The following SFT2D2 variants were observed in gnomAD, a reference collection of about 807,000 sequenced individuals.
SFT2D2 encodes SFT2 domain containing 2, also known as vesicle transport protein SFT2B.
Under a neutral mutation model 27.4 loss-of-function variants are expected in SFT2D2, and 21 were observed. That is an observed-to-expected ratio of 0.77 (90% CI 0.54 to 1.10). The LOEUF is 1.10. Ranked by LOEUF, SFT2D2 falls within the 50% of genes least tolerant of loss-of-function variation. SFT2D2 has a pLI of 0.00. For synonymous variants in SFT2D2, 72 were observed against 71.7 expected, an observed-to-expected ratio of 1.00 and a Z score of -0.02; for missense variants, 187 against 194.2, an observed-to-expected ratio of 0.96 and a Z score of 0.22.
At chr1:168,233,021 A>C (rs777038695) in intron 3 of SFT2D2, among the ~76,000 whole-genome samples, 5 of 152,168 alleles carry the variant, frequency 3.3e-5, no homozygotes, top group Non-Finnish European at 7.3e-5. Flanking sequence ...AGCCCTGCTT[A>C]GCCCCCTCAA....
chr1:168,239,051 A>T, intron 6 of SFT2D2, 80 bp from the exon 7 acceptor site: 1 of 1,069,538 alleles, frequency 9.3e-7, no homozygotes, highest in Non-Finnish European at 1.5e-6. Context: ...AGGTATTCTT[A>T]CAGCTCAGAA....
In SFT2D2 at chr1:168,247,810, A is replaced by G. The variant is rs1174181833; in HGVS notation, c.*5270A>G. On this transcript the variant is annotated 3_prime_UTR_variant, in exon 8 of 8. Coordinates refer to ENST00000271375, the MANE Select transcript of SFT2D2 (RefSeq NM_199344.3). The stretch of plus-strand genomic sequence containing the variant: ...CCACCAACAGTGTAAAAGTATTCCT[A>G]TTTCTCCCTGTCCTTTCCAGCATCT... The G allele has an allele frequency of 2.0e-5, 3 of 152,120 alleles. No individual in the cohort carries two copies. Among genetic ancestry groups the G allele is most frequent in the Non-Finnish European group, 4.4e-5 (3 of 68,016 alleles). 9.4% of individuals were successfully genotyped at this position (152,120 alleles called of 1,614,324 possible). A position where few individuals can be genotyped will look rare whatever the true frequency, so the allele number is the denominator to read the frequency against.
Position 168,250,639 on chromosome 1 carries a change from T to C in SFT2D2, c.*8099T>C, listed in dbSNP as rs143134957. Reference sequence around the variant, plus strand: ...ACAGAAGAGATGGCTTCCAGTCCCCTCTCCCCCTTCTCCCAGTCTCTCTGA... The same window carrying C: ...ACAGAAGAGATGGCTTCCAGTCCCCCCTCCCCCTTCTCCCAGTCTCTCTGA... On this transcript the variant is annotated 3_prime_UTR_variant, in exon 8 of 8. Transcript: ENST00000271375. The C allele has an allele frequency of 6.5e-3, 997 of 153,138 alleles. 7 individuals are homozygous for C. The highest frequency in any genetic ancestry group is 0.022 in the African/African-American group (894 of 41,570). 9.5% of individuals were successfully genotyped at this position (153,138 alleles called of 1,614,324 possible).
chr1:168,241,150 C>T (rs924988040), intron 7 of SFT2D2, among the ~76,000 whole-genome samples: 14 of 150,172 alleles, frequency 9.3e-5, no homozygotes, highest in Admixed American at 4.0e-4. Context: ...GCTGAGGAGA[C>T]GAATTACTCC....
At position 168,246,701 on chromosome 1, in the gene SFT2D2, A is replaced by G; in HGVS notation, c.*4161A>G. On this transcript the variant is annotated 3_prime_UTR_variant, in exon 8 of 8. Transcript: ENST00000271375. ...AGAGCAACATTCAGTCTACGATGGTATGATTCCATTTCGTCAGTCTTTGCC... is the reference window on the plus strand; with the variant it reads ...AGAGCAACATTCAGTCTACGATGGTGTGATTCCATTTCGTCAGTCTTTGCC... 1.9e-6 allele frequency: 2 copies of G among 1,065,020 alleles called. No individual in the cohort carries two copies. Among genetic ancestry groups the G allele is most frequent in the South Asian group, 1.2e-5 (1 of 80,878 alleles). 66.0% of individuals were successfully genotyped at this position (1,065,020 alleles called of 1,614,324 possible).
intron 3 of SFT2D2, among the ~76,000 whole-genome samples, chr1:168,233,348 T>C (rs1647380535): frequency 1.3e-5 from 2 of 152,196 alleles, no homozygotes; most frequent in Admixed American, 1.3e-4. Context: ...GACCTCTTCC[T>C]TTGGACTCTC....
At chr1:168,237,050 T>C (rs1001872271) in intron 6 of SFT2D2, among the ~76,000 whole-genome samples, 2 of 152,154 alleles carry the variant, frequency 1.3e-5, no homozygotes, top group Admixed American at 1.3e-4. Flanking sequence ...TTTTGAGATG[T>C]TACAAATATT....
At chr1:168,227,970 G>T (rs970508336) in intron 1 of SFT2D2, among the ~76,000 whole-genome samples, 1 of 152,174 alleles carries the variant, frequency 6.6e-6, no homozygotes, top group Non-Finnish European at 1.5e-5. Flanking sequence ...CGTCTGTGTT[G>T]GATACTGTGA....
chr1:168,240,035 C>T (rs1337324445), intron 7 of SFT2D2, among the ~76,000 whole-genome samples: 1 of 151,644 alleles, frequency 6.6e-6, no homozygotes, highest in South Asian at 2.1e-4. Context: ...ATTAGCTGGG[C>T]GTGGTGGCAG....
chr1:168,236,725 G>T lies in SFT2D2; in HGVS notation c.368G>T (p.Gly123Val). Residue 123 changes from glycine (G) to valine (V), a missense_variant, in exon 6 of 8, where the codon GGA becomes GTA. Transcript: ENST00000271375. ...TTATTTTTCCAGTGGCATAACAAGG[G>T]ACTTGCACTTATCTTCTGCATTTTG... ...LCSAFWWHNK[G>V]LALIFCILQS... 8.1e-6 allele frequency: 13 copies of T among 1,614,138 alleles called. No individual in the cohort carries two copies. Among genetic ancestry groups the T allele is most frequent in the Non-Finnish European group, 1.1e-5 (13 of 1,180,034 alleles).
intron 7 of SFT2D2, among the ~76,000 whole-genome samples, chr1:168,242,267 C>G (rs184615673): frequency 5.3e-5 from 8 of 152,182 alleles, no homozygotes; most frequent in Admixed American, 3.3e-4. Flanking sequence ...ATCAGACTGT[C>G]GGGTAAGTGG....
At position 168,245,999 on chromosome 1, in the gene SFT2D2, C is replaced by T; in HGVS notation, c.*3459C>T. 5.2e-6 allele frequency: 1 copy of T among 193,134 alleles called. No individual in the cohort carries two copies. The highest frequency in any genetic ancestry group is 1.1e-5 in the Non-Finnish European group (1 of 93,676). The allele number at this position is 193,134 out of a possible 1,614,324, so 12.0% of individuals were successfully genotyped here. A position where few individuals can be genotyped will look rare whatever the true frequency, so the allele number is the denominator to read the frequency against. The stretch of plus-strand genomic sequence containing the variant: ...TCTGACCTAATTTCTTCCTTGAATC[C>T]TACATCTCACTTTCTCAATGGACGC... On this transcript the variant is annotated 3_prime_UTR_variant, in exon 8 of 8. Coordinates refer to ENST00000271375, the MANE Select transcript of SFT2D2 (RefSeq NM_199344.3).
At chr1:168,239,590 G>A (rs546321499) in intron 7 of SFT2D2, among the ~76,000 whole-genome samples, 10 of 151,786 alleles carry the variant, frequency 6.6e-5, no homozygotes, top group African/African-American at 2.4e-4. Context: ...TAAAGGGAGA[G>A]TAAGCAGTAC....
chr1:168,242,813 CT>C lies in SFT2D2; in HGVS notation c.*274del, dbSNP rs1349294477. On this transcript the variant is annotated 3_prime_UTR_variant, in exon 8 of 8. Coordinates refer to ENST00000271375, the MANE Select transcript of SFT2D2 (RefSeq NM_199344.3). ...TGTTTCCTCTCTGGATGTTGTCCCA[CT>C]GAATTCCCATGAATACAAACCTATT... is the stretch of plus-strand genomic sequence containing the variant. The C allele has an allele frequency of 5.8e-5, 27 of 465,334 alleles. No individual in the cohort carries two copies. Among genetic ancestry groups the C allele is most frequent in the Non-Finnish European group, 9.1e-5 (23 of 251,842 alleles). The allele number at this position is 465,334 out of a possible 1,614,324, so 28.8% of individuals were successfully genotyped here. A position where few individuals can be genotyped will look rare whatever the true frequency, so the allele number is the denominator to read the frequency against.
intron 6 of SFT2D2, 39 bp from the exon 7 acceptor site, chr1:168,239,092 T>G (rs370350839): frequency 3.5e-5 from 53 of 1,532,606 alleles, no homozygotes; most frequent in Non-Finnish European, 4.6e-5. Context: ...TGCTACTCCC[T>G]TCATCTCATT....
rs145584146 is a variant in SFT2D2 at position 168,232,280 on chromosome 1, A to G, written c.236+361A>G. Among the ~76,000 whole-genome samples the G allele has an allele frequency of 9.5e-3, 1,444 of 152,268 alleles. 17 individuals are homozygous for G. Among genetic ancestry groups the G allele is most frequent in the African/African-American group, 0.031 (1,308 of 41,544 alleles). ...AAGGGCTCATCACTCCAGTGGCCATAAGGGAAACTGGTTTTTATTTAGTGT... is the reference window on the plus strand; with the variant it reads ...AAGGGCTCATCACTCCAGTGGCCATGAGGGAAACTGGTTTTTATTTAGTGT... On this transcript the variant is annotated intron_variant, in intron 3 of 7. Coordinates refer to ENST00000271375, the MANE Select transcript of SFT2D2 (RefSeq NM_199344.3).
In SFT2D2 at chr1:168,235,213, G is replaced by A. The variant is rs1647464032; in HGVS notation, c.318+31G>A. On this transcript the variant is annotated intron_variant, in intron 4 of 7. Coordinates refer to ENST00000271375, the MANE Select transcript of SFT2D2 (RefSeq NM_199344.3). ...GTCTGCTTTTTAGCTGGACTTCTCAGATGGGAGTTTTTATTTCTATTGTAT... is the reference window on the plus strand; with the variant it reads ...GTCTGCTTTTTAGCTGGACTTCTCAAATGGGAGTTTTTATTTCTATTGTAT... The A allele has an allele frequency of 4.4e-6, 7 of 1,599,372 alleles. No homozygotes were observed. The Middle Eastern group carries it at 5.0e-4, about 114-fold the overall frequency.
chr1:168,232,777 C>A (rs1173300624), intron 3 of SFT2D2, among the ~76,000 whole-genome samples: 1 of 152,226 alleles, frequency 6.6e-6, no homozygotes, highest in African/African-American at 2.4e-5. Context: ...CCCTGCCAGG[C>A]AGACAGACAT....
chr1:168,228,357 A>T lies in SFT2D2; in HGVS notation c.63+2215A>T, dbSNP rs1700482267. Among the ~76,000 whole-genome samples the T allele has an allele frequency of 2.0e-5, 3 of 152,344 alleles. No homozygotes were observed. The South Asian group carries it at 6.2e-4, about 32-fold the overall frequency. On this transcript the variant is annotated intron_variant, in intron 1 of 7. Coordinates refer to ENST00000271375, the MANE Select transcript of SFT2D2 (RefSeq NM_199344.3). Reference sequence around the variant, plus strand: ...AATTAGGCGCTCTTAAAATCTCTTTAAGAGGTCACTAGAAGAGAGTGCTTT... The same window carrying T: ...AATTAGGCGCTCTTAAAATCTCTTTTAGAGGTCACTAGAAGAGAGTGCTTT...
Sources: allele counts gnomAD v4.1 joint callset (sites outside exome capture counted in the v4.1 genomes callset), GRCh38; gene constraint gnomAD v4.1.1; transcripts MANE v1.5; gene names NCBI Gene and HGNC (gene_info 2026-07-23, HGNC 2026-07-21).